AGPAT4: variants seen among roughly 807,000 people sequenced by gnomAD.
AGPAT4 encodes the protein 1-acylglycerol-3-phosphate O-acyltransferase 4.
A neutral mutation model predicts 48.0 loss-of-function variants in AGPAT4; 15 were observed. The observed-to-expected ratio is 0.31, with a 90% CI of 0.21 to 0.48. The LOEUF (loss-of-function observed/expected upper bound fraction) is 0.48, where lower values mean the gene tolerates loss of function less well. Among genes scored for constraint, AGPAT4 ranks in the 20% least tolerant of loss-of-function variants. AGPAT4 has a pLI of 0.99. For synonymous variants in AGPAT4, 178 were observed against 198.7 expected (o/e 0.90, Z 0.88); for missense variants, 314 against 482.5 (o/e 0.65, Z 3.27).
rs1780208191 is a variant in AGPAT4 at position 161,169,602 on chromosome 6, C to A, written c.179-3185G>T. ...CCTTCCACCTTGGCCTCCCAAAGTG[C>A]TGGGATTATAGGCATGAGCCACCAC... On this transcript the variant is annotated intron_variant, in intron 2 of 8. Transcript: ENST00000320285. The surrounding 1 kb of genome is among the most constrained non-coding windows in gnomAD (Gnocchi z 5.0). Among the ~76,000 whole-genome samples, 2 of 152,288 alleles carry A rather than the reference C, an allele frequency of 1.3e-5. No homozygotes were observed. The highest frequency in any genetic ancestry group is 4.1e-4 in the South Asian group (2 of 4,828).
In AGPAT4 at chr6:161,180,673, A is replaced by T. The variant is rs1780556849; in HGVS notation, c.179-14256T>A. Among the ~76,000 whole-genome samples, 1 of 152,172 alleles carries T rather than the reference A, an allele frequency of 6.6e-6. No homozygotes were observed. Among genetic ancestry groups the T allele is most frequent in the Non-Finnish European group, 1.5e-5 (1 of 68,040 alleles). On this transcript the variant is annotated intron_variant, in intron 2 of 8. Coordinates refer to ENST00000320285, the MANE Select transcript of AGPAT4 (RefSeq NM_020133.3). This position sits in a 1 kb window ranked among gnomAD's most constrained non-coding sequence, Gnocchi z 6.4. Reference sequence around the variant, plus strand: ...TCCAAAATGCAAAAGCGAAGCTACTAAGTTTCTGGTGCCTGAATGTGGTGT... The same window carrying T: ...TCCAAAATGCAAAAGCGAAGCTACTTAGTTTCTGGTGCCTGAATGTGGTGT...
In AGPAT4 at chr6:161,189,823, T is replaced by C. The variant is rs1017500492; in HGVS notation, c.179-23406A>G. Among the ~76,000 whole-genome samples, 2 of 152,206 alleles carry C rather than the reference T, an allele frequency of 1.3e-5. No homozygotes were observed. Among genetic ancestry groups the C allele is most frequent in the Admixed American group, 6.5e-5 (1 of 15,284 alleles). ...TGAGTATTTGTTTTCATTTTCAAGA[T>C]AGCACTGAGTTTTGTGCAGGCCCAG... On this transcript the variant is annotated intron_variant, in intron 2 of 8. Transcript: ENST00000320285. This position sits in a 1 kb window ranked among gnomAD's most constrained non-coding sequence, Gnocchi z 5.3.
In AGPAT4 at chr6:161,246,495, C is replaced by T. The variant is rs567938161; in HGVS notation, c.-89-14193G>A. Among the ~76,000 whole-genome samples, 21 of 152,042 alleles carry T rather than the reference C, an allele frequency of 1.4e-4. No homozygotes were observed. In the South Asian group the frequency reaches 3.3e-3, roughly 24 times the overall value. ...AGTGATCTCAGCTCACTGCAACCTCCGCCTCTCAAGTTCAAGCGATTCTCC... is the reference window on the plus strand; with the variant it reads ...AGTGATCTCAGCTCACTGCAACCTCTGCCTCTCAAGTTCAAGCGATTCTCC... On this transcript the variant is annotated intron_variant, in intron 1 of 8. Coordinates refer to ENST00000320285, the MANE Select transcript of AGPAT4 (RefSeq NM_020133.3). This position sits in a 1 kb window ranked among gnomAD's most constrained non-coding sequence, Gnocchi z 5.5.
intron 2 of AGPAT4, among the ~76,000 whole-genome samples, chr6:161,183,558 T>C (rs1780661146): frequency 6.8e-6 from 1 of 147,272 alleles, no homozygotes; most frequent in African/African-American, 2.5e-5. Flanking sequence ...AGGTGGAGGC[T>C]GCAGTGAGCT....
In AGPAT4 at chr6:161,201,863, G is replaced by A. The variant is rs1055642356; in HGVS notation, c.178+30173C>T. ...ACTGTACTTTGACAACCATTCACCC[G>A]TAATTCTTTTCCCATTTCCAGTGTT... On this transcript the variant is annotated intron_variant, in intron 2 of 8. Transcript: ENST00000320285. The surrounding 1 kb of genome is among the most constrained non-coding windows in gnomAD (Gnocchi z 6.0). Among the ~76,000 whole-genome samples, 16 of 152,276 alleles carry A rather than the reference G, an allele frequency of 1.1e-4. No individual in the cohort carries two copies. The highest frequency in any genetic ancestry group is 6.2e-4 in the South Asian group (3 of 4,820).
chr6:161,163,974 G>C (rs1039069237), intron 3 of AGPAT4, among the ~76,000 whole-genome samples: 1 of 152,204 alleles, frequency 6.6e-6, no homozygotes, highest in Non-Finnish European at 1.5e-5. Flanking sequence ...TTAGTTGTTT[G>C]GGTGTTCACA....
chr6:161,260,698 G>A (rs1220593903), intron 1 of AGPAT4, among the ~76,000 whole-genome samples: 1 of 147,332 alleles, frequency 6.8e-6, no homozygotes, highest in African/African-American at 2.5e-5. Flanking sequence ...TTCAGCCTGG[G>A]CAACATGGCA....
intron 2 of AGPAT4, among the ~76,000 whole-genome samples, chr6:161,205,247 G>T (rs1781349595): frequency 6.6e-6 from 1 of 152,134 alleles, no homozygotes; most frequent in Non-Finnish European, 1.5e-5. Context: ...TGACCAGAGG[G>T]CCTTGTGCCA....
chr6:161,139,428 A>G lies in AGPAT4; in HGVS notation c.1036T>C (p.Phe346Leu), dbSNP rs1441242942. 6.2e-7 allele frequency: 1 copy of G among 1,613,888 alleles called. No homozygotes were observed. ...LTLASFILVF[F>L]VASVGVRWMI... is the part of the protein sequence containing the mutation. ...CCCCTTGCCCTCCACTCACCCACAAAGAAGACGAGGATGAAGCTGGCCAGC... is the reference window on the plus strand; with the variant it reads ...CCCCTTGCCCTCCACTCACCCACAAGGAAGACGAGGATGAAGCTGGCCAGC... The change falls in exon 8 of 9, where the codon TTT becomes CTT. Residue 346 changes from phenylalanine (F) to leucine (L), a missense_variant. By Grantham distance (22) the Phe-to-Leu change is conservative. Transcript: ENST00000320285. This position sits in a 1 kb window ranked among gnomAD's most constrained non-coding sequence, Gnocchi z 9.1.
chr6:161,185,740 C>T (rs1359576903), intron 2 of AGPAT4, among the ~76,000 whole-genome samples: 1 of 152,128 alleles, frequency 6.6e-6, no homozygotes, highest in Non-Finnish European at 1.5e-5. Flanking sequence ...AGGCATCACC[C>T]GAAACCTCTC....
At chr6:161,183,633 G>GGAGGTGAGGGGAGGA (rs1452541103) in intron 2 of AGPAT4, among the ~76,000 whole-genome samples, 2 of 117,314 alleles carry the variant, frequency 1.7e-5, no homozygotes, top group Non-Finnish European at 3.6e-5. Context: ...GGAAGGGAGG[G>GGAGGTGAGGGGAGGA]GAGGTGAGGG....
rs565605700 is a variant in AGPAT4 at position 161,223,989 on chromosome 6, G to T, written c.178+8047C>A. On this transcript the variant is annotated intron_variant, in intron 2 of 8. Coordinates refer to ENST00000320285, the MANE Select transcript of AGPAT4 (RefSeq NM_020133.3). This position sits in a 1 kb window ranked among gnomAD's most constrained non-coding sequence, Gnocchi z 6.3. ...AAGTGTTGTTCCTCTTAGCCTGCACGGATCGTGATTCTTTTATTTTTCTCC... is the reference window on the plus strand; with the variant it reads ...AAGTGTTGTTCCTCTTAGCCTGCACTGATCGTGATTCTTTTATTTTTCTCC... Among the ~76,000 whole-genome samples, 8 of 152,148 alleles carry T rather than the reference G, an allele frequency of 5.3e-5. No individual in the cohort carries two copies. The highest frequency in any genetic ancestry group is 1.0e-4 in the Non-Finnish European group (7 of 68,028).
In AGPAT4 at chr6:161,134,423, G is replaced by A. The variant is rs994936683; in HGVS notation, c.*2117C>T. 7.9e-5 allele frequency: 12 copies of A among 152,156 alleles called. No individual in the cohort carries two copies. The highest frequency in any genetic ancestry group is 2.7e-4 in the African/African-American group (11 of 41,418). 9.4% of individuals were successfully genotyped at this position (152,156 alleles called of 1,614,324 possible). A position where few individuals can be genotyped will look rare whatever the true frequency, so the allele number is the denominator to read the frequency against. Reference sequence around the variant, plus strand: ...GAGAAAAATAACACATTTTTAGTACGACAAGAAAATTTCTGAGCATTTTTG... The same window carrying A: ...GAGAAAAATAACACATTTTTAGTACAACAAGAAAATTTCTGAGCATTTTTG... On this transcript the variant is annotated 3_prime_UTR_variant, in exon 9 of 9. Transcript: ENST00000320285.
chr6:161,209,247 G>T (rs895478661), intron 2 of AGPAT4, among the ~76,000 whole-genome samples: 1 of 152,110 alleles, frequency 6.6e-6, no homozygotes, highest in Non-Finnish European at 1.5e-5. Flanking sequence ...TTGCTTGGAG[G>T]TGATGGCTGC....
intron 2 of AGPAT4, among the ~76,000 whole-genome samples, chr6:161,203,097 G>A (rs1424501466): frequency 2.6e-5 from 4 of 152,202 alleles, no homozygotes; most frequent in African/African-American, 7.2e-5. Flanking sequence ...TGGGCACAAT[G>A]AAATGATTAT....
At chr6:161,209,531 G>A (rs369300811) in intron 2 of AGPAT4, among the ~76,000 whole-genome samples, 2 of 152,100 alleles carry the variant, frequency 1.3e-5, no homozygotes, top group African/African-American at 2.4e-5. Flanking sequence ...TGAGGAGTTG[G>A]GACCAGTAGA....
intron 1 of AGPAT4, among the ~76,000 whole-genome samples, chr6:161,248,803 A>G (rs766447774): frequency 6.6e-6 from 1 of 152,174 alleles, no homozygotes; most frequent in Non-Finnish European, 1.5e-5. Context: ...CATTCTTCAC[A>G]GTACTATTAA....
chr6:161,154,362 C>A lies in AGPAT4; in HGVS notation c.349-52G>T. The A allele has an allele frequency of 6.2e-7, 1 of 1,606,200 alleles. No individual in the cohort carries two copies. The highest frequency in any genetic ancestry group is 1.1e-5 in the South Asian group (1 of 90,656). On this transcript the variant is annotated intron_variant, in intron 3 of 8. Coordinates refer to ENST00000320285, the MANE Select transcript of AGPAT4 (RefSeq NM_020133.3). This position sits in a 1 kb window ranked among gnomAD's most constrained non-coding sequence, Gnocchi z 7.8. ...CCCATGAAGGAGACGTCAGAGCCAC[C>A]TGCCGGGGCTGTTGGAGACTGAAGT... is the stretch of plus-strand genomic sequence containing the variant.
rs1000638640 is a variant in AGPAT4, at chr6:161,234,103, G to A, written c.-89-1801C>T. On this transcript the variant is annotated intron_variant, in intron 1 of 8. Coordinates refer to ENST00000320285, the MANE Select transcript of AGPAT4 (RefSeq NM_020133.3). The surrounding 1 kb of genome is among the most constrained non-coding windows in gnomAD (Gnocchi z 4.4). ...GCTCACAACTCCCTTTGGCAGAGCA[G>A]CCCAGAAATTCCCCCAAGGGCAGAA... Among the ~76,000 whole-genome samples, 1 of 152,174 alleles carries A rather than the reference G, an allele frequency of 6.6e-6. No individual in the cohort carries two copies. Among genetic ancestry groups the A allele is most frequent in the Non-Finnish European group, 1.5e-5 (1 of 68,036 alleles).
Sources: gnomAD v4.1 joint callset for allele counts (sites outside exome capture counted in the v4.1 genomes callset) on GRCh38, gnomAD v4.1.1 for gene constraint, Gnocchi (gnomAD v3.1) non-coding constraint, MANE v1.5 for transcripts, NCBI Gene and HGNC (gene_info 2026-07-23, HGNC 2026-07-21) for gene names.